Variants in ENTREP2 observed in about 807,000 individuals in gnomAD.
The protein encoded by ENTREP2 is protein ENTREP2.
At chr15:29,424,286 CCTT>C in the ENTREP2 span, among the ~76,000 whole-genome samples, 1 of 152,106 alleles carries the variant, frequency 6.6e-6, no homozygotes, top group Non-Finnish European at 1.5e-5. Flanking sequence ...GCTTTTGTTC[CCTT>C]ATTTGGCCCC....
chr15:29,527,018 T>C, the ENTREP2 span, among the ~76,000 whole-genome samples: 1 of 152,182 alleles, frequency 6.6e-6, no homozygotes, highest in African/African-American at 2.4e-5. Flanking sequence ...TTGGCCACAC[T>C]TTCCTTCTGC....
chr15:29,496,618 G>A, the ENTREP2 span, among the ~76,000 whole-genome samples: 2,060 of 152,078 alleles, frequency 0.014, 40 homozygotes, highest in African/African-American at 0.047. Flanking sequence ...TAGAGTTTTT[G>A]TCATAAAAGA....
chr15:29,535,742 CT>C, the ENTREP2 span, among the ~76,000 whole-genome samples: 408 of 145,814 alleles, frequency 2.8e-3, 1 homozygote, highest in Middle Eastern at 0.014. Context: ...CCCAAATATT[CT>C]TTTTTTTTTT....
At chr15:29,133,045 C>T in the ENTREP2 span, among the ~76,000 whole-genome samples, 240 of 152,258 alleles carry the variant, frequency 1.6e-3, 2 homozygotes, top group Admixed American at 0.014. Flanking sequence ...GTCCATCTGC[C>T]GCCCTGCCCG....
chr15:29,162,697 C>G, the ENTREP2 span, among the ~76,000 whole-genome samples: 72 of 151,700 alleles, frequency 4.7e-4, no homozygotes, highest in East Asian at 9.5e-3. Flanking sequence ...CCTGGCCCCA[C>G]CCCCACCTGA....
At chr15:29,411,867 T>G in the ENTREP2 span, among the ~76,000 whole-genome samples, 1 of 152,244 alleles carries the variant, frequency 6.6e-6, no homozygotes, top group Non-Finnish European at 1.5e-5. Flanking sequence ...GTAGACTCCC[T>G]GAATTCTGCT....
At chr15:29,371,408 C>T in the ENTREP2 span, among the ~76,000 whole-genome samples, 2 of 149,280 alleles carry the variant, frequency 1.3e-5, no homozygotes, top group Non-Finnish European at 3.0e-5. Flanking sequence ...TCCAACAACA[C>T]CAACTTTCTA....
At chr15:29,159,155 C>T in the ENTREP2 span, among the ~76,000 whole-genome samples, 2 of 152,036 alleles carry the variant, frequency 1.3e-5, no homozygotes, top group East Asian at 3.9e-4. Context: ...TGTCTGGAGT[C>T]TGTTCGTTCT....
the ENTREP2 span, among the ~76,000 whole-genome samples, chr15:29,593,644 A>G: frequency 6.6e-6 from 1 of 152,166 alleles, no homozygotes; most frequent in African/African-American, 2.4e-5. Context: ...TGATATTCTT[A>G]TATTTGTCCT....
chr15:29,391,623 C>T, the ENTREP2 span, among the ~76,000 whole-genome samples: 2 of 151,058 alleles, frequency 1.3e-5, no homozygotes, highest in East Asian at 3.9e-4. Context: ...TGGTAACAAA[C>T]TCATTTGTCC....
the ENTREP2 span, among the ~76,000 whole-genome samples, chr15:29,364,390 T>C: frequency 6.6e-6 from 1 of 152,188 alleles, no homozygotes; most frequent in Non-Finnish European, 1.5e-5. Flanking sequence ...GTTGTCTCAC[T>C]GGGGTGTCAT....
At chr15:29,669,301 C>CTGGT in the ENTREP2 span, among the ~76,000 whole-genome samples, 1 of 152,142 alleles carries the variant, frequency 6.6e-6, no homozygotes. Flanking sequence ...AACTGATGGA[C>CTGGT]TGGTGGGTTA....
the ENTREP2 span, among the ~76,000 whole-genome samples, chr15:29,486,633 T>C: frequency 6.6e-6 from 1 of 152,174 alleles, no homozygotes; most frequent in Non-Finnish European, 1.5e-5. Flanking sequence ...GAGGTTGCAG[T>C]GAGCCAAGAT....
chr15:29,399,946 C>T, the ENTREP2 span, among the ~76,000 whole-genome samples: 1 of 152,090 alleles, frequency 6.6e-6, no homozygotes, highest in Non-Finnish European at 1.5e-5. Flanking sequence ...CTCAGTCTTG[C>T]CATTTCAGGG....
At chr15:29,124,570 A>G in the ENTREP2 span, 1 of 813,194 alleles carries the variant, frequency 1.2e-6, no homozygotes, top group Non-Finnish European at 2.0e-6. Context: ...GGCAGCCCCC[A>G]TTCCCGGGGG....
At chr15:29,317,885 A>G in the ENTREP2 span, among the ~76,000 whole-genome samples, 1 of 152,160 alleles carries the variant, frequency 6.6e-6, no homozygotes, top group South Asian at 2.1e-4. Flanking sequence ...TGGTGAGATG[A>G]ACAGACTAGC....
the ENTREP2 span, among the ~76,000 whole-genome samples, chr15:29,638,454 C>T: frequency 6.6e-6 from 1 of 152,226 alleles, no homozygotes; most frequent in Non-Finnish European, 1.5e-5. Flanking sequence ...CACTGTTTTA[C>T]CTTCTGCATC....
At chr15:29,653,050 T>TATC in the ENTREP2 span, among the ~76,000 whole-genome samples, 1 of 152,206 alleles carries the variant, frequency 6.6e-6, no homozygotes, top group Non-Finnish European at 1.5e-5. Flanking sequence ...TGGATCCATG[T>TATC]ATCCCCTGTG....
chr15:29,622,196 GTTTAT>G, the ENTREP2 span, among the ~76,000 whole-genome samples: 1,511 of 151,512 alleles, frequency 1.0e-2, 31 homozygotes, highest in African/African-American at 0.035. Flanking sequence ...GGTTAAAATA[GTTTAT>G]TTTATTTTAT....
Sources: gnomAD v4.1 joint callset for allele counts (sites outside exome capture counted in the v4.1 genomes callset) on GRCh38, gnomAD v4.1.1 for gene constraint, MANE v1.5 for transcripts, NCBI Gene and HGNC (gene_info 2026-07-23, HGNC 2026-07-21) for gene names.